Variants in CACNA1H observed in about 807,000 individuals in gnomAD.
CACNA1H encodes calcium voltage-gated channel subunit alpha1 H.
A neutral mutation model predicts 192.5 loss-of-function variants in CACNA1H; 149 were observed. That is an observed-to-expected ratio of 0.77 (90% CI 0.68 to 0.89). CACNA1H has a LOEUF of 0.89. Ranked by LOEUF, CACNA1H falls within the 40% of genes least tolerant of loss-of-function variation. The pLI is 0.00. For missense variants in CACNA1H, 4,257 were observed against 3,423.5 expected (o/e 1.24, Z -6.08); for synonymous variants, 2,202 against 1,475.2 (o/e 1.49, Z -11.29).
chr16:1,203,767 T>C (rs1259252312), intron 9 of CACNA1H, among the ~76,000 whole-genome samples: 6 of 152,198 alleles, frequency 3.9e-5, no homozygotes, highest in African/African-American at 1.2e-4. Flanking sequence ...TTTCTTCTTA[T>C]TGGAACAGTC....
chr16:1,211,379 G>A (rs767317389), intron 22 of CACNA1H, 85 bp downstream of exon 22: 105 of 1,604,490 alleles, frequency 6.5e-5, no homozygotes, highest in Middle Eastern at 1.7e-4. Flanking sequence ...GCGCCGCTGC[G>A]GGACGGGGAG....
At chr16:1,195,715 C>T (rs902400992) in intron 4 of CACNA1H, 150 bp downstream of exon 4, 9 of 1,049,954 alleles carry the variant, frequency 8.6e-6, no homozygotes, top group Admixed American at 4.3e-5. Context: ...ACTCCGGAGA[C>T]CCTCCCTCCT....
intron 2 of CACNA1H, among the ~76,000 whole-genome samples, chr16:1,187,664 C>T (rs1966207423): frequency 6.6e-6 from 1 of 152,192 alleles, no homozygotes; most frequent in Admixed American, 6.5e-5. Context: ...GGGAGCCCTG[C>T]TGGGATCCCT....
In CACNA1H at chr16:1,204,057, C is replaced by A. The variant is rs762185083; in HGVS notation, c.2050C>A (p.Pro684Thr). The A allele has an allele frequency of 6.3e-7, 1 of 1,594,498 alleles. No individual in the cohort carries two copies. Among genetic ancestry groups the A allele is most frequent in the East Asian group, 2.3e-5 (1 of 43,866 alleles). The change falls in exon 10 of 35, where the codon CCC becomes ACC. Residue 684 changes from proline (P) to threonine (T), a missense_variant. Pro to Thr is a conservative substitution (Grantham distance 38). Transcript: ENST00000348261. ...TCTGTCGGGCCTCAGTGTGCCCTGC[C>A]CCCTGCCCAGCCCCCCAGCGGGCAC... Reference protein sequence around the residue: ...GHLSGLSVPCPLPSPPAGTLT... With the variant: ...GHLSGLSVPCTLPSPPAGTLT...
chr16:1,176,866 T>C (rs74004849), intron 2 of CACNA1H, among the ~76,000 whole-genome samples: 16,355 of 151,134 alleles, frequency 0.11, 2,476 homozygotes, highest in African/African-American at 0.34. Context: ...GGGGAGGGGG[T>C]CCTAAGGATG....
intron 2 of CACNA1H, among the ~76,000 whole-genome samples, chr16:1,183,439 T>C (rs1436577959): frequency 6.6e-6 from 1 of 152,112 alleles, no homozygotes; most frequent in Non-Finnish European, 1.5e-5. Flanking sequence ...GGCTTCCTCC[T>C]CCCTTGTCTC....
At chr16:1,166,917 G>A (rs12324974) in intron 2 of CACNA1H, among the ~76,000 whole-genome samples, 5,542 of 152,250 alleles carry the variant, frequency 0.036, 346 homozygotes, top group African/African-American at 0.13. Flanking sequence ...CCCTGGCTTC[G>A]TGTCTCTTGG....
chr16:1,188,693 C>CT (rs906835093), intron 2 of CACNA1H, among the ~76,000 whole-genome samples: 8 of 152,186 alleles, frequency 5.3e-5, no homozygotes, highest in Admixed American at 6.5e-5. Flanking sequence ...GTTTGGGAGT[C>CT]TTTTTCCTCC....
chr16:1,177,974 C>G lies in CACNA1H; in HGVS notation c.300-16998C>G, dbSNP rs533171299. 6.6e-5 allele frequency among the ~76,000 whole-genome samples: 10 copies of G among 151,312 alleles called. No homozygotes were observed. The South Asian group carries it at 2.1e-3, about 32-fold the overall frequency. On this transcript the variant is annotated intron_variant, in intron 2 of 34. Transcript: ENST00000348261. ...GGGCACCGCCCTTTCTCCCTGGGAC[C>G]CCCGGGGTCTCTCCCGCCCCCTCTC...
intron 2 of CACNA1H, among the ~76,000 whole-genome samples, chr16:1,171,906 G>T (rs986798640): frequency 1.3e-5 from 2 of 152,266 alleles, no homozygotes; most frequent in Non-Finnish European, 2.9e-5. Flanking sequence ...AGGCCAGGGA[G>T]CAGTGTCCAC....
chr16:1,210,855 G>C lies in CACNA1H; in HGVS notation c.4107G>C (p.Gly1369=), dbSNP rs1307807309. 2 of 1,605,326 alleles carry C rather than the reference G, an allele frequency of 1.2e-6. No individual in the cohort carries two copies. Among genetic ancestry groups the C allele is most frequent in the African/African-American group, 1.3e-5 (1 of 74,930 alleles). ...YLQSSWNLLD[G]LLVLVSLVDI... ...AGAGCAGCTGGAACCTGCTGGATGG[G>C]CTGCTGGTGCTGGTGTCCCTGGTGG... Residue 1369 remains glycine (G), a synonymous_variant, in exon 21 of 35, where the codon GGG becomes GGC. Coordinates refer to ENST00000348261, the MANE Select transcript of CACNA1H (RefSeq NM_021098.3).
intron 6 of CACNA1H, 165 bp downstream of exon 6, chr16:1,198,939 G>GC: frequency 3.9e-6 from 2 of 519,414 alleles, no homozygotes; most frequent in Admixed American, 4.0e-5. Flanking sequence ...GCTGTCTCCC[G>GC]CCCCCACCCC....
chr16:1,156,585 G>C (rs1189886657), intron 2 of CACNA1H, among the ~76,000 whole-genome samples: 1 of 152,154 alleles, frequency 6.6e-6, no homozygotes, highest in Admixed American at 6.5e-5. Context: ...CCCGTAGCAA[G>C]AGGGTGCTTC....
chr16:1,169,731 C>T, intron 2 of CACNA1H, among the ~76,000 whole-genome samples: 1 of 152,240 alleles, frequency 6.6e-6, no homozygotes, highest in Non-Finnish European at 1.5e-5. Flanking sequence ...AGCTTCAGGC[C>T]AGCCGGCTGG....
chr16:1,212,264 C>T, intron 25 of CACNA1H, 126 bp downstream of exon 25: 1 of 1,371,952 alleles, frequency 7.3e-7, no homozygotes, highest in Non-Finnish European at 9.7e-7. Context: ...CTTGCCTGGG[C>T]CTGCATGGGG....
In CACNA1H at chr16:1,220,761, A is replaced by C. The variant is rs774970862; in HGVS notation, c.6829A>C (p.Ser2277Arg). 6.2e-7 allele frequency: 1 copy of C among 1,612,544 alleles called. No individual in the cohort carries two copies. The highest frequency in any genetic ancestry group is 1.1e-5 in the South Asian group (1 of 91,078). Reference sequence around the variant, plus strand: ...TGAGCCGCTGGACCTCGGGGTCCCCAGTGGAGACCCTTTCTTGGACGGTAG... The same window carrying C: ...TGAGCCGCTGGACCTCGGGGTCCCCCGTGGAGACCCTTTCTTGGACGGTAG... Reference protein sequence around the residue: ...AFEPLDLGVPSGDPFLDGSHS... With the variant: ...AFEPLDLGVPRGDPFLDGSHS... Residue 2277 changes from serine (S) to arginine (R), a missense_variant, in exon 35 of 35, where the codon AGT (serine) becomes CGT (arginine). Transcript: ENST00000348261.
chr16:1,196,144 C>T (rs575685479), intron 5 of CACNA1H, 121 bp downstream of exon 5: 28 of 763,812 alleles, frequency 3.7e-5, no homozygotes, highest in Middle Eastern at 2.3e-4. Context: ...CCAGGCACTC[C>T]GGCCCCAGCC....
At position 1,221,346 on chromosome 16, in the gene CACNA1H, G is replaced by A. The variant is rs1040840877; in HGVS notation, c.*352G>A. 9.9e-5 allele frequency: 34 copies of A among 344,354 alleles called. No homozygotes were observed. The highest frequency in any genetic ancestry group is 8.5e-4 in the Admixed American group (19 of 22,348). The allele number at this position is 344,354 out of a possible 1,614,324, so 21.3% of individuals were successfully genotyped here. On this transcript the variant is annotated 3_prime_UTR_variant, in exon 35 of 35. Transcript: ENST00000348261. The stretch of plus-strand genomic sequence containing the variant: ...ACCAGGTTGCGTCCTTTCAGGCCCC[G>A]CGTTGTTACAGGACACTCGCTGGGG...
chr16:1,218,184 C>T (rs556825491), intron 32 of CACNA1H, 26 bp from the exon 33 acceptor site: 13 of 1,541,600 alleles, frequency 8.4e-6, no homozygotes, highest in African/African-American at 2.7e-5. Context: ...GTGTGGACCC[C>T]GGCCCACAGC....
Sources: allele counts gnomAD v4.1 joint callset (sites outside exome capture counted in the v4.1 genomes callset), GRCh38; gene constraint gnomAD v4.1.1; transcripts MANE v1.5; gene names NCBI Gene and HGNC (gene_info 2026-07-23, HGNC 2026-07-21).